DTHD1: variants seen among roughly 807,000 people sequenced by gnomAD.
The protein encoded by DTHD1 is death domain containing 1, also known as death domain-containing protein 1.
DTHD1 carries 59 observed loss-of-function variants against 74.8 expected under a neutral mutation model. The ratio of observed to expected loss-of-function variants is 0.79; its 90% CI spans 0.64 to 0.98. The LOEUF is 0.98. DTHD1 is among the 50% of genes least tolerant of loss of function. The probability of loss-of-function intolerance (pLI) is 0.00; values close to 1 mark genes in which losing one functional copy is unlikely to be tolerated. For synonymous variants in DTHD1, 365 were observed against 371.1 expected (o/e 0.98, Z 0.19); for missense variants, 1,051 against 1,065.4 (o/e 0.99, Z 0.19).
intron 9 of DTHD1, among the ~76,000 whole-genome samples, chr4:36,341,849 G>A (rs1759331860): frequency 6.6e-6 from 1 of 152,174 alleles, no homozygotes; most frequent in Non-Finnish European, 1.5e-5. Context: ...ATGACTGGGG[G>A]ACACCAAGGG....
intron 8 of DTHD1, among the ~76,000 whole-genome samples, chr4:36,324,612 A>C (rs1206523362): frequency 6.6e-6 from 1 of 152,192 alleles, no homozygotes; most frequent in African/African-American, 2.4e-5. Context: ...TTAATTTAGC[A>C]ACCACAAAAT....
chr4:36,295,160 TAA>T, intron 5 of DTHD1, 121 bp downstream of exon 5: 2 of 1,191,242 alleles, frequency 1.7e-6, no homozygotes, highest in Non-Finnish European at 2.2e-6. Context: ...GAAATATCTT[TAA>T]TCTAGAAAGA....
At chr4:36,319,512 C>T (rs186463561) in intron 8 of DTHD1, among the ~76,000 whole-genome samples, 261 of 152,290 alleles carry the variant, frequency 1.7e-3, no homozygotes, top group African/African-American at 5.1e-3. Flanking sequence ...CACATTGCTT[C>T]CAGAAAGCCT....
chr4:36,314,102 A>T (rs567495065), intron 7 of DTHD1, among the ~76,000 whole-genome samples: 3 of 137,544 alleles, frequency 2.2e-5, no homozygotes, highest in African/African-American at 9.1e-5. Flanking sequence ...CCAAGTAGCC[A>T]GGTTGCCTCT....
rs1759602180 is a variant in DTHD1 at position 36,346,632 on chromosome 4, T to G, written c.*2808T>G. Among the ~76,000 whole-genome samples the G allele has an allele frequency of 6.6e-6, 1 of 152,028 alleles. No homozygotes were observed. On this transcript the variant is annotated 3_prime_UTR_variant, in exon 10 of 10. Transcript: ENST00000639862. Reference sequence around the variant, plus strand: ...ACACACCCATACCTTTGCATACCCATTTCTCTGTCTGGTGAGCCAACCTGT... The same window carrying G: ...ACACACCCATACCTTTGCATACCCAGTTCTCTGTCTGGTGAGCCAACCTGT...
intron 8 of DTHD1, among the ~76,000 whole-genome samples, chr4:36,327,291 A>G (rs1758412020): frequency 1.3e-5 from 2 of 152,178 alleles, no homozygotes; most frequent in South Asian, 4.1e-4. Flanking sequence ...ATCTGCTATA[A>G]TAACCTAGAA....
Position 36,343,781 on chromosome 4 carries a change from T to C in DTHD1, c.2678T>C (p.Val893Ala). Residue 893 changes from valine (V) to alanine (A), a missense_variant, in exon 10 of 10, where the codon GTG becomes GCG. Transcript: ENST00000639862. The part of the protein sequence containing the change: ...EELKFKWENK[V>A]FTEPQQCFDV... ...CTCAAATTCAAGTGGGAAAATAAAG[T>C]GTTCACTGAACCACAGCAGTGTTTT... The C allele has an allele frequency of 2.6e-6, 4 of 1,551,270 alleles. No homozygotes were observed. The highest frequency in any genetic ancestry group is 3.5e-6 in the Non-Finnish European group (4 of 1,146,814).
intron 8 of DTHD1, among the ~76,000 whole-genome samples, chr4:36,324,742 A>C (rs530186305): frequency 6.6e-6 from 1 of 152,362 alleles, no homozygotes; most frequent in African/African-American, 2.4e-5. Context: ...TAAAACTTTA[A>C]AAGTTATAAA....
rs1995319 is a variant in DTHD1, at chr4:36,290,396, T to A, written c.911T>A (p.Val304Asp). The A allele has an allele frequency of 0.92, 1,432,928 of 1,550,878 alleles. 662,717 individuals are homozygous for A. Among genetic ancestry groups the A allele is most frequent in the East Asian group, 1 (40,812 of 40,896 alleles). The change falls in exon 3 of 10, where the codon GTT becomes GAT. Residue 304 changes from valine (V) to aspartate (D), a missense_variant. Coordinates refer to ENST00000639862, the MANE Select transcript of DTHD1 (RefSeq NM_001170700.3). ...EKEYLDVLSDVTGPQVSCYIT... is the reference protein window; with the variant it reads ...EKEYLDVLSDDTGPQVSCYIT... ...AGGTATCTTGATGTGCTGAGTGATGTTACTGGCCCCCAAGTGTCTTGTTAT... is the reference window on the plus strand; with the variant it reads ...AGGTATCTTGATGTGCTGAGTGATGATACTGGCCCCCAAGTGTCTTGTTAT...
intron 8 of DTHD1, among the ~76,000 whole-genome samples, chr4:36,324,718 T>C (rs1186627889): frequency 2.0e-5 from 3 of 152,156 alleles, no homozygotes; most frequent in Non-Finnish European, 4.4e-5. Flanking sequence ...CAGTCCAGTT[T>C]AGGAAATAAA....
At chr4:36,304,462 C>A (rs1296842006) in intron 5 of DTHD1, among the ~76,000 whole-genome samples, 1 of 152,140 alleles carries the variant, frequency 6.6e-6, no homozygotes, top group Non-Finnish European at 1.5e-5. Flanking sequence ...AAATCAAGTT[C>A]AGTTTCTAAT....
chr4:36,308,235 G>A lies in DTHD1; in HGVS notation c.1837G>A (p.Asp613Asn). The A allele has an allele frequency of 6.4e-7, 1 of 1,552,292 alleles. No individual in the cohort carries two copies. The highest frequency in any genetic ancestry group is 8.7e-7 in the Non-Finnish European group (1 of 1,147,108). The change falls in exon 7 of 10, where the codon GAC (aspartate) becomes AAC (asparagine). Residue 613 changes from aspartate to asparagine, a missense_variant. Asp to Asn is a conservative substitution (Grantham distance 23, BLOSUM62 1). Transcript: ENST00000639862. ...FIVLHLSSTM[D>N]NSHLVTFVKS... is the part of the protein sequence containing the mutation. The stretch of plus-strand genomic sequence containing the variant: ...TGTACTTCACCTCTCTTCCACCATG[G>A]ACAATAGTCATTTGGTTACTTTTGT...
At position 36,346,770 on chromosome 4, in the gene DTHD1, A is replaced by G. The variant is rs1759608466; in HGVS notation, c.*2946A>G. Among the ~76,000 whole-genome samples the G allele has an allele frequency of 6.6e-6, 1 of 151,956 alleles. No individual in the cohort carries two copies. The highest frequency in any genetic ancestry group is 6.6e-5 in the Admixed American group (1 of 15,250). ...CATTCCCCTTTTCCTCCCTGTGCTCATCTTGGCCTGGCTGTGTCCCTGGCC... is the reference window on the plus strand; with the variant it reads ...CATTCCCCTTTTCCTCCCTGTGCTCGTCTTGGCCTGGCTGTGTCCCTGGCC... On this transcript the variant is annotated 3_prime_UTR_variant, in exon 10 of 10. Transcript: ENST00000639862.
intron 5 of DTHD1, among the ~76,000 whole-genome samples, chr4:36,303,573 T>C (rs972074594): frequency 1.3e-5 from 2 of 149,384 alleles, no homozygotes; most frequent in African/African-American, 2.5e-5. Context: ...TCTGGCAACA[T>C]AGTTACATCT....
At chr4:36,284,659 A>C (rs1424005013) in intron 2 of DTHD1, 68 bp downstream of exon 2, 28 of 1,208,034 alleles carry the variant, frequency 2.3e-5, no homozygotes, top group Admixed American at 1.2e-4. Flanking sequence ...TAGTTAGTAC[A>C]TGTCTTAGTT....
intron 2 of DTHD1, 135 bp from the exon 3 acceptor site, chr4:36,290,238 C>A: frequency 1.1e-6 from 1 of 905,274 alleles, no homozygotes; most frequent in Non-Finnish European, 1.6e-6. Context: ...AGGATCTTGC[C>A]CAAGGTCACA....
At chr4:36,339,301 CT>C in intron 9 of DTHD1, 132 bp downstream of exon 9, 1 of 567,234 alleles carries the variant, frequency 1.8e-6, no homozygotes, top group Non-Finnish European at 2.9e-6. Flanking sequence ...CTTTATTGGC[CT>C]AATAAATACT....
At chr4:36,308,094 T>A (rs751129059) in intron 6 of DTHD1, 110 bp from the exon 7 acceptor site, 4 of 1,090,598 alleles carry the variant, frequency 3.7e-6, no homozygotes, top group Non-Finnish European at 5.2e-6. Context: ...GAATACTTGA[T>A]TTTAAAAGAC....
chr4:36,331,132 AT>A (rs1474240253), intron 8 of DTHD1, among the ~76,000 whole-genome samples: 3 of 152,112 alleles, frequency 2.0e-5, no homozygotes, highest in African/African-American at 7.2e-5. Context: ...TAAATCTTTT[AT>A]TTTGTTACTA....
Sources: allele counts gnomAD v4.1 joint callset (sites outside exome capture counted in the v4.1 genomes callset), GRCh38; gene constraint gnomAD v4.1.1; transcripts MANE v1.5; gene names NCBI Gene and HGNC (gene_info 2026-07-23, HGNC 2026-07-21).